The following PRKCA variants were observed in gnomAD, a reference collection of about 807,000 sequenced individuals.
PRKCA encodes protein kinase C alpha type.
A neutral mutation model predicts 87.0 loss-of-function variants in PRKCA; 27 were observed. The observed-to-expected ratio is 0.31, with a 90% CI of 0.23 to 0.43. The LOEUF is 0.43. Among genes scored for constraint, PRKCA ranks in the 20% least tolerant of loss-of-function variants. PRKCA has a pLI of 1.00. For synonymous variants in PRKCA, 329 were observed against 311.1 expected (o/e 1.06, Z -0.61); for missense variants, 518 against 852.3 (o/e 0.61, Z 4.88).
chr17:66,522,224 C>T (rs558186341), intron 3 of PRKCA, among the ~76,000 whole-genome samples: 56 of 152,272 alleles, frequency 3.7e-4, no homozygotes, highest in Non-Finnish European at 5.6e-4. Context: ...GTGGATACCC[C>T]GAATGGCAGG....
At chr17:66,704,017 C>T (rs751154107) in intron 8 of PRKCA, among the ~76,000 whole-genome samples, 1 of 152,094 alleles carries the variant, frequency 6.6e-6, no homozygotes, top group Non-Finnish European at 1.5e-5. Context: ...GTGATGTAGA[C>T]ATCACTGGGT....
intron 2 of PRKCA, among the ~76,000 whole-genome samples, chr17:66,362,100 A>G (rs1908422588): frequency 6.6e-6 from 1 of 152,040 alleles, no homozygotes; most frequent in Admixed American, 6.5e-5. Flanking sequence ...CAGTGGCACC[A>G]TCTTGTCTCA....
intron 2 of PRKCA, among the ~76,000 whole-genome samples, chr17:66,433,701 C>T (rs1913221679): frequency 1.3e-5 from 2 of 152,238 alleles, no homozygotes; most frequent in South Asian, 2.1e-4. Flanking sequence ...CCCGTCACCA[C>T]GCCCTGCCCA....
rs191140119 is a variant in PRKCA, at chr17:66,426,756, G to A, written c.206-69445G>A. ...AGTGAGCAGGTAACTTCTGAGAAAG[G>A]TTTCTTTACCCTAAAAAGGGACACA... On this transcript the variant is annotated intron_variant, in intron 2 of 16. Coordinates refer to ENST00000413366, the MANE Select transcript of PRKCA (RefSeq NM_002737.3). 5.3e-5 allele frequency among the ~76,000 whole-genome samples: 8 copies of A among 152,252 alleles called. No homozygotes were observed. In the East Asian group the frequency reaches 1.5e-3, roughly 29 times the overall value.
chr17:66,404,205 A>T (rs1911211269), intron 2 of PRKCA: 3 of 152,238 alleles, frequency 2.0e-5, no homozygotes. Flanking sequence ...AATTTGCATG[A>T]CAGTATCCTG....
rs1049541796 is a variant in PRKCA at position 66,777,467 on chromosome 17, C to A, written c.1605+3400C>A. Reference sequence around the variant, plus strand: ...CAAAGCATTCCTCTTAGGCCAAATACGTCCGGGTGTAAACACAGAAAGGCA... The same window carrying A: ...CAAAGCATTCCTCTTAGGCCAAATAAGTCCGGGTGTAAACACAGAAAGGCA... On this transcript the variant is annotated intron_variant, in intron 14 of 16. Transcript: ENST00000413366. 4.5e-5 allele frequency: 43 copies of A among 957,002 alleles called. No individual in the cohort carries two copies. In the East Asian group the frequency reaches 4.8e-3, roughly 108 times the overall value. 59.3% of individuals were successfully genotyped at this position (957,002 alleles called of 1,614,324 possible). A position where few individuals can be genotyped will look rare whatever the true frequency, so the allele number is the denominator to read the frequency against.
At chr17:66,464,310 G>A (rs775755241) in intron 2 of PRKCA, among the ~76,000 whole-genome samples, 24 of 152,138 alleles carry the variant, frequency 1.6e-4, no homozygotes, top group Non-Finnish European at 2.9e-4. Flanking sequence ...CAAGTTTGGG[G>A]CAATTATGAA....
chr17:66,437,605 C>T (rs1939983876), intron 2 of PRKCA, among the ~76,000 whole-genome samples: 1 of 152,050 alleles, frequency 6.6e-6, no homozygotes, highest in Admixed American at 6.5e-5. Flanking sequence ...AGAGGACCTG[C>T]CTGCTTGCTT....
At chr17:66,747,683 C>T (rs1005101959) in intron 13 of PRKCA, among the ~76,000 whole-genome samples, 1 of 152,224 alleles carries the variant, frequency 6.6e-6, no homozygotes, top group African/African-American at 2.4e-5. Flanking sequence ...AAAGTGAGCA[C>T]TCAGTTTGGG....
chr17:66,448,540 C>A (rs1914151006), intron 2 of PRKCA, among the ~76,000 whole-genome samples: 1 of 152,134 alleles, frequency 6.6e-6, no homozygotes, highest in African/African-American at 2.4e-5. Flanking sequence ...TGTGTATATG[C>A]TGTGCCTACC....
At chr17:66,604,402 C>T (rs867332050) in intron 3 of PRKCA, among the ~76,000 whole-genome samples, 4 of 152,288 alleles carry the variant, frequency 2.6e-5, no homozygotes, top group African/African-American at 7.2e-5. Flanking sequence ...TTCTGTTTCT[C>T]CATGTGTTTT....
intron 16 of PRKCA, among the ~76,000 whole-genome samples, chr17:66,802,739 T>C (rs764660062): frequency 6.6e-6 from 1 of 152,192 alleles, no homozygotes; most frequent in Non-Finnish European, 1.5e-5. Flanking sequence ...CTCCCAGTGT[T>C]ACAGATGAGC....
chr17:66,524,204 G>A (rs1269183096), intron 3 of PRKCA, among the ~76,000 whole-genome samples: 1 of 152,176 alleles, frequency 6.6e-6, no homozygotes, highest in African/African-American at 2.4e-5. Flanking sequence ...AAAACTTACT[G>A]TGTGCCCTGA....
At chr17:66,425,583 C>T (rs925082563) in intron 2 of PRKCA, among the ~76,000 whole-genome samples, 2 of 151,980 alleles carry the variant, frequency 1.3e-5, no homozygotes, top group African/African-American at 2.4e-5. Context: ...ATTCATAATA[C>T]CTGGTAGGAA....
At chr17:66,662,932 G>T (rs1025575763) in intron 5 of PRKCA, among the ~76,000 whole-genome samples, 18 of 152,162 alleles carry the variant, frequency 1.2e-4, no homozygotes, top group African/African-American at 4.1e-4. Context: ...CAGAGAATCA[G>T]CTCTGAGCCC....
chr17:66,392,676 A>G (rs1047077772), intron 2 of PRKCA, among the ~76,000 whole-genome samples: 3 of 152,196 alleles, frequency 2.0e-5, no homozygotes, highest in Non-Finnish European at 4.4e-5. Context: ...TTGCTGTGCG[A>G]AATGCTGGTG....
At chr17:66,644,992 GAA>G in intron 4 of PRKCA, among the ~76,000 whole-genome samples, 1 of 126,294 alleles carries the variant, frequency 7.9e-6, no homozygotes, top group East Asian at 2.3e-4. Flanking sequence ...CCTGTCTGAA[GAA>G]AAAAAAAAAA....
chr17:66,798,378 C>CGGTGGTGGTGGTGGTGGTGGT (rs1191158029), intron 16 of PRKCA, among the ~76,000 whole-genome samples: 1 of 54,966 alleles, frequency 1.8e-5, no homozygotes, highest in Non-Finnish European at 3.7e-5. Flanking sequence ...TTTCAGTAGG[C>CGGTGGTGGTGGTGGTGGTGGT]GGTGGTGGTG....
At chr17:66,411,760 G>C (rs1911819472) in intron 2 of PRKCA, among the ~76,000 whole-genome samples, 1 of 152,100 alleles carries the variant, frequency 6.6e-6, no homozygotes, top group South Asian at 2.1e-4. Flanking sequence ...AGTAATAAAG[G>C]AAAAGAGTCA....
Sources: allele counts gnomAD v4.1 joint callset (sites outside exome capture counted in the v4.1 genomes callset), GRCh38; gene constraint gnomAD v4.1.1; transcripts MANE v1.5; gene names NCBI Gene and HGNC (gene_info 2026-07-23, HGNC 2026-07-21).